TRABD2B: variants seen among roughly 807,000 people sequenced by gnomAD.
TRABD2B encodes metalloprotease TIKI2.
In TRABD2B, 14 loss-of-function variants were observed where a neutral mutation model predicts 40.1. That is an observed-to-expected ratio of 0.35 (90% CI 0.23 to 0.55). The LOEUF (loss-of-function observed/expected upper bound fraction) is 0.55. Among genes scored for constraint, TRABD2B ranks in the 20% least tolerant of loss-of-function variants. The pLI is 0.90. For synonymous variants in TRABD2B, 263 were observed against 277.0 expected, an observed-to-expected ratio of 0.95 and a Z score of 0.50; for missense variants, 541 against 648.6, an observed-to-expected ratio of 0.83 and a Z score of 1.80.
intron 2 of TRABD2B, among the ~76,000 whole-genome samples, chr1:47,847,350 A>C: frequency 6.6e-6 from 1 of 152,090 alleles, no homozygotes; most frequent in East Asian, 1.9e-4. Flanking sequence ...CCTTTTGGAG[A>C]GTTCTTCCAT....
At chr1:47,919,322 A>G (rs774833383) in intron 2 of TRABD2B, among the ~76,000 whole-genome samples, 1 of 152,236 alleles carries the variant, frequency 6.6e-6, no homozygotes, top group Non-Finnish European at 1.5e-5. Flanking sequence ...AGCCCTCCCC[A>G]TGGTGAGCTA....
rs543260400 is a variant in TRABD2B, at chr1:47,789,795, T to C, written c.988+4791A>G. On this transcript the variant is annotated intron_variant, in intron 4 of 6. Transcript: ENST00000606738. ...CCACCCAAGGCGTCCTCCTCAACCC[T>C]GCACCCAAGCTCTGGTCCCCACCTT... Among the ~76,000 whole-genome samples the C allele has an allele frequency of 2.6e-5, 4 of 152,262 alleles. No individual in the cohort carries two copies. In the South Asian group the frequency reaches 8.3e-4, roughly 32 times the overall value.
intron 2 of TRABD2B, among the ~76,000 whole-genome samples, chr1:47,873,173 C>T (rs976541407): frequency 6.6e-6 from 1 of 152,112 alleles, no homozygotes; most frequent in Non-Finnish European, 1.5e-5. Context: ...CCCTCATGAC[C>T]TAATTGCCTC....
chr1:47,898,920 T>C (rs1644560509), intron 2 of TRABD2B, among the ~76,000 whole-genome samples: 1 of 152,258 alleles, frequency 6.6e-6, no homozygotes, highest in South Asian at 2.1e-4. Flanking sequence ...AAATTGCTTA[T>C]TCCTCCATTG....
At chr1:47,796,750 C>T (rs1442519389) in intron 3 of TRABD2B, among the ~76,000 whole-genome samples, 1 of 152,168 alleles carries the variant, frequency 6.6e-6, no homozygotes, top group Non-Finnish European at 1.5e-5. Context: ...GTTGCTAGTG[C>T]CCAATCAGAG....
chr1:47,878,296 A>G (rs1257480069), intron 2 of TRABD2B, among the ~76,000 whole-genome samples: 26 of 152,208 alleles, frequency 1.7e-4, no homozygotes, highest in Admixed American at 1.7e-3. Context: ...AGTCTGGACG[A>G]CAGAGAGAGA....
At chr1:47,821,510 C>T (rs1436526723) in intron 2 of TRABD2B, among the ~76,000 whole-genome samples, 1 of 152,192 alleles carries the variant, frequency 6.6e-6, no homozygotes. Context: ...GATTGTTTCT[C>T]CAGGGCGGGA....
chr1:47,977,161 C>T (rs943865665), intron 2 of TRABD2B, among the ~76,000 whole-genome samples: 2 of 151,826 alleles, frequency 1.3e-5, no homozygotes, highest in African/African-American at 4.8e-5. Context: ...CAACCTCTGC[C>T]TCCCAGGTTC....
intron 2 of TRABD2B, among the ~76,000 whole-genome samples, chr1:47,974,966 T>G (rs533898187): frequency 6.6e-6 from 1 of 152,232 alleles, no homozygotes; most frequent in South Asian, 2.1e-4. Flanking sequence ...GACAAATCCC[T>G]ATGGAGGGAC....
intron 4 of TRABD2B, among the ~76,000 whole-genome samples, chr1:47,788,557 C>T (rs1407990967): frequency 2.0e-5 from 3 of 152,186 alleles, no homozygotes; most frequent in African/African-American, 7.2e-5. Flanking sequence ...GACAGCAGTC[C>T]TGCGAAGAGT....
At chr1:47,906,640 G>A (rs894185259) in intron 2 of TRABD2B, among the ~76,000 whole-genome samples, 1 of 152,214 alleles carries the variant, frequency 6.6e-6, no homozygotes, top group Non-Finnish European at 1.5e-5. Flanking sequence ...CTGCTTGGTA[G>A]CAGCCTGGCT....
At chr1:47,874,563 C>T (rs1375959680) in intron 2 of TRABD2B, among the ~76,000 whole-genome samples, 6 of 120,204 alleles carry the variant, frequency 5.0e-5, no homozygotes, top group East Asian at 3.1e-4. Flanking sequence ...TGAGCCACCG[C>T]GCCCGGCCTT....
intron 2 of TRABD2B, among the ~76,000 whole-genome samples, chr1:47,905,044 C>A (rs1341076821): frequency 3.9e-5 from 6 of 152,130 alleles, no homozygotes; most frequent in Non-Finnish European, 8.8e-5. Flanking sequence ...CAGGCTGAGC[C>A]TGCTTTCAGG....
intron 2 of TRABD2B, among the ~76,000 whole-genome samples, chr1:47,970,112 T>C (rs1373969016): frequency 1.3e-5 from 2 of 152,008 alleles, no homozygotes; most frequent in African/African-American, 2.4e-5. Flanking sequence ...GGTAAACGGA[T>C]GACTTATCAG....
intron 2 of TRABD2B, among the ~76,000 whole-genome samples, chr1:47,886,467 CT>C (rs1644372772): frequency 6.6e-6 from 1 of 152,100 alleles, no homozygotes; most frequent in Non-Finnish European, 1.5e-5. Context: ...GTTGATAGAA[CT>C]GAATTTATAG....
chr1:47,809,911 A>G (rs1004256216), intron 2 of TRABD2B, among the ~76,000 whole-genome samples: 1 of 152,200 alleles, frequency 6.6e-6, no homozygotes, highest in African/African-American at 2.4e-5. Flanking sequence ...TTTGAAAAGA[A>G]CTAATTTACA....
chr1:47,914,633 C>T (rs1163658802), intron 2 of TRABD2B, among the ~76,000 whole-genome samples: 1 of 152,226 alleles, frequency 6.6e-6, no homozygotes, highest in African/African-American at 2.4e-5. Flanking sequence ...ACTACGCCAG[C>T]GCCCACTGTG....
rs187447625 is a variant in TRABD2B, at chr1:47,940,336, C to T, written c.666+53698G>A. Among the ~76,000 whole-genome samples the T allele has an allele frequency of 1.0e-3, 155 of 152,356 alleles. 2 individuals are homozygous for T. Among genetic ancestry groups the T allele is most frequent in the South Asian group, 2.1e-3 (10 of 4,832 alleles). The stretch of plus-strand genomic sequence containing the variant: ...CTGAGTAGTTACCTGTCTCCACCAT[C>T]AGACTGTGAGCATCTCAAAAACAAG... On this transcript the variant is annotated intron_variant, in intron 2 of 6. Transcript: ENST00000606738.
chr1:47,995,404 T>C (rs1030935586), intron 1 of TRABD2B, among the ~76,000 whole-genome samples: 3 of 152,210 alleles, frequency 2.0e-5, no homozygotes, highest in Non-Finnish European at 4.4e-5. Flanking sequence ...TTCTGGGTAC[T>C]TTCCAGGCTC....
Sources: gnomAD v4.1 joint callset for allele counts (sites outside exome capture counted in the v4.1 genomes callset) on GRCh38, gnomAD v4.1.1 for gene constraint, MANE v1.5 for transcripts, NCBI Gene and HGNC (gene_info 2026-07-23, HGNC 2026-07-21) for gene names.